NSF: variants seen among roughly 807,000 people sequenced by gnomAD.
The protein encoded by NSF is N-ethylmaleimide sensitive factor, vesicle fusing ATPase.
NSF carries 14 observed loss-of-function variants against 50.3 expected under a neutral mutation model. The observed-to-expected ratio is 0.28, with a 90% CI of 0.18 to 0.44. The LOEUF (loss-of-function observed/expected upper bound fraction) is 0.44. NSF is among the 20% of genes least tolerant of loss of function. NSF has a pLI of 1.00. For missense variants in NSF, 218 were observed against 504.3 expected, an observed-to-expected ratio of 0.43 and a Z score of 5.44; for synonymous variants, 109 against 175.7, an observed-to-expected ratio of 0.62 and a Z score of 3.00.
At chr17:46,746,863 AAATT>A (rs1168444914) in intron 17 of NSF, among the ~76,000 whole-genome samples, 9 of 152,232 alleles carry the variant, frequency 5.9e-5, no homozygotes, top group African/African-American at 2.2e-4. Context: ...ATTATAATGA[AAATT>A]AATTGAGAGA....
intron 1 of NSF, among the ~76,000 whole-genome samples, chr17:46,595,781 C>T (rs1321118156): frequency 7.5e-6 from 1 of 133,672 alleles, no homozygotes; most frequent in African/African-American, 3.2e-5. Flanking sequence ...TGAGCCACCG[C>T]GACTGACCTC....
chr17:46,726,723 A>C (rs2058893270), intron 16 of NSF, 108 bp downstream of exon 16: 2 of 964,186 alleles, frequency 2.1e-6, no homozygotes, highest in Non-Finnish European at 3.4e-6. Flanking sequence ...AGCAATAGAA[A>C]TACCTTTCTT....
intron 15 of NSF, among the ~76,000 whole-genome samples, chr17:46,724,336 T>C (rs1382681193): frequency 1.3e-5 from 2 of 152,226 alleles, no homozygotes; most frequent in Non-Finnish European, 2.9e-5. Flanking sequence ...TTTACACTAC[T>C]ATATCTCCGT....
intron 14 of NSF, among the ~76,000 whole-genome samples, chr17:46,712,346 AAGGGT>A: frequency 6.6e-6 from 1 of 152,168 alleles, no homozygotes; most frequent in African/African-American, 2.4e-5. Flanking sequence ...TCAGTCCTCC[AAGGGT>A]AGATGCTGCT....
intron 9 of NSF, among the ~76,000 whole-genome samples, chr17:46,676,238 T>TG (rs1228872489): frequency 2.0e-5 from 3 of 149,190 alleles, no homozygotes; most frequent in Admixed American, 2.0e-4. Flanking sequence ...TTCTTCTTTT[T>TG]TTTTTTTTTT....
chr17:46,607,768 G>GAC (rs1454821553), intron 1 of NSF, among the ~76,000 whole-genome samples: 4 of 72,502 alleles, frequency 5.5e-5, no homozygotes, highest in Non-Finnish European at 9.6e-5. Context: ...CTGTGTGGCG[G>GAC]AGAGACAGCA....
chr17:46,740,964 T>G (rs530699089), intron 17 of NSF, among the ~76,000 whole-genome samples: 1 of 152,348 alleles, frequency 6.6e-6, no homozygotes, highest in Non-Finnish European at 1.5e-5. Flanking sequence ...CAGAGGTCAT[T>G]ATTTCTAGGT....
chr17:46,709,766 A>G (rs558057269), intron 13 of NSF, among the ~76,000 whole-genome samples: 258 of 152,300 alleles, frequency 1.7e-3, no homozygotes, highest in Non-Finnish European at 2.6e-3. Context: ...AAGTGCTGGG[A>G]TTATAGGCTT....
Position 46,720,755 on chromosome 17 carries a change from G to A in NSF, c.1762-5794G>A, listed in dbSNP as rs565323346. Among the ~76,000 whole-genome samples the A allele has an allele frequency of 2.2e-4, 34 of 152,220 alleles. 1 individual carries two copies. In the Middle Eastern group the frequency reaches 0.014, roughly 61 times the overall value. On this transcript the variant is annotated intron_variant, in intron 15 of 20. Coordinates refer to ENST00000398238, the MANE Select transcript of NSF (RefSeq NM_006178.4). The stretch of plus-strand genomic sequence containing the variant: ...GATTTCTACTAACTAGGTACTTCAC[G>A]CCAAGTACTTCAGAACTGAGATGAA...
At position 46,694,279 on chromosome 17, in the gene NSF, C is replaced by T. The variant is rs1400047850; in HGVS notation, c.1187-196C>T. 2.9e-5 allele frequency among the ~76,000 whole-genome samples: 4 copies of T among 138,162 alleles called. 1 individual carries two copies. Among genetic ancestry groups the T allele is most frequent in the Admixed American group, 2.2e-4 (3 of 13,348 alleles). 90.6% of individuals were successfully genotyped at this position (138,162 alleles called of 152,430 possible). On this transcript the variant is annotated intron_variant, in intron 11 of 20. Transcript: ENST00000398238. ...GTGTGCACCTGTAATTCCAGCTACTCGGAAGGCTGAGATAGGAGAATCGCC... is the reference window on the plus strand; with the variant it reads ...GTGTGCACCTGTAATTCCAGCTACTTGGAAGGCTGAGATAGGAGAATCGCC...
intron 15 of NSF, 52 bp downstream of exon 15, chr17:46,714,038 G>A: frequency 6.5e-7 from 1 of 1,550,266 alleles, no homozygotes; most frequent in Non-Finnish European, 8.7e-7. Context: ...ATGTGTGTGT[G>A]TGTGCACATA....
chr17:46,744,508 A>T (rs1016534418), intron 17 of NSF, among the ~76,000 whole-genome samples: 6 of 152,318 alleles, frequency 3.9e-5, no homozygotes, highest in Middle Eastern at 3.4e-3. Flanking sequence ...GCATTGAATG[A>T]TATGGAAAGA....
intron 14 of NSF, 88 bp from the exon 15 acceptor site, chr17:46,713,765 G>A: frequency 7.8e-7 from 1 of 1,288,168 alleles, no homozygotes; most frequent in Non-Finnish European, 1.1e-6. Flanking sequence ...CGAGACCTCA[G>A]TATGTTCTGG....
Position 46,610,066 on chromosome 17 carries a change from TC to T in NSF, c.13-14176del, listed in dbSNP as rs749841397. Among the ~76,000 whole-genome samples the T allele has an allele frequency of 1.8e-4, 21 of 117,800 alleles. 2 individuals carry two copies. Among genetic ancestry groups the T allele is most frequent in the South Asian group, 5.3e-4 (2 of 3,760 alleles). The allele number at this position is 117,800 out of a possible 152,430, so 77.3% of individuals were successfully genotyped here. On this transcript the variant is annotated intron_variant, in intron 1 of 20. Transcript: ENST00000398238. ...CTCTTTCTTTCTTTCTTTCTTTCTT[TC>T]CTTTCTTTCCTTCTTTCTTTCTTTT...
chr17:46,722,186 C>G, intron 15 of NSF: 1 of 1,601,802 alleles, frequency 6.2e-7, no homozygotes, highest in Non-Finnish European at 8.5e-7. Flanking sequence ...CCTGGGAGAA[C>G]TTGCAGCGCC....
At chr17:46,631,082 A>ACACACACACACACACACACACG (rs1555668590) in intron 4 of NSF, among the ~76,000 whole-genome samples, 190 of 141,440 alleles carry the variant, frequency 1.3e-3, no homozygotes, top group East Asian at 7.5e-3. Flanking sequence ...ACACACACAC[A>ACACACACACACACACACACACG]CACACACACA....
intron 15 of NSF, among the ~76,000 whole-genome samples, chr17:46,721,215 C>T (rs965411293): frequency 6.6e-6 from 1 of 152,214 alleles, no homozygotes; most frequent in Non-Finnish European, 1.5e-5. Flanking sequence ...CAGCCTGTGT[C>T]GTACCTCCAC....
chr17:46,743,621 C>G (rs1489125306), intron 17 of NSF, among the ~76,000 whole-genome samples: 2 of 152,186 alleles, frequency 1.3e-5, no homozygotes, highest in Non-Finnish European at 2.9e-5. Context: ...CAGCCCTGGG[C>G]TTGCCTTAAA....
rs757958034 is a variant in NSF, at chr17:46,726,578, C to T, written c.1791C>T (p.Leu597=). Residue 597 remains leucine, a synonymous_variant, in exon 16 of 21, where the codon CTC becomes CTT. Transcript: ENST00000398238. ...KIFDDAYKSQ[L]SCVVVDDIER... ...TTGATGATGCGTACAAATCCCAGCT[C>T]AGTTGTGTGGTTGTGGATGACATTG... The T allele has an allele frequency of 3.1e-6, 5 of 1,613,950 alleles. No homozygotes were observed. Among genetic ancestry groups the T allele is most frequent in the African/African-American group, 1.3e-5 (1 of 74,998 alleles).
Sources: allele counts gnomAD v4.1 joint callset (sites outside exome capture counted in the v4.1 genomes callset), GRCh38; gene constraint gnomAD v4.1.1; transcripts MANE v1.5; gene names NCBI Gene and HGNC (gene_info 2026-07-23, HGNC 2026-07-21).